NT5C2: variants seen among roughly 807,000 people sequenced by gnomAD.
The protein encoded by NT5C2 is cytosolic purine 5'-nucleotidase.
Under a neutral mutation model 76.1 loss-of-function variants are expected in NT5C2, and 58 were observed. The ratio of observed to expected loss-of-function variants is 0.76; its 90% CI spans 0.62 to 0.95. The LOEUF is 0.95. Ranked by LOEUF, NT5C2 falls within the 40% of genes least tolerant of loss-of-function variation. The pLI is 0.00. For missense variants in NT5C2, 478 were observed against 690.3 expected, an observed-to-expected ratio of 0.69 and a Z score of 3.45; for synonymous variants, 229 against 237.4, an observed-to-expected ratio of 0.96 and a Z score of 0.32.
intron 3 of NT5C2, among the ~76,000 whole-genome samples, chr10:103,148,587 G>C (rs182512562): frequency 0.014 from 2,108 of 146,312 alleles, 33 homozygotes; most frequent in Middle Eastern, 0.025. Context: ...CTGGGCAACA[G>C]AGTGAGACTC....
intron 18 of NT5C2, 36 bp from the exon 19 acceptor site, chr10:103,089,944 C>A: frequency 1.3e-6 from 2 of 1,541,552 alleles, no homozygotes; most frequent in Non-Finnish European, 1.8e-6. Context: ...AGAAAGCAGG[C>A]AGAGCAAAGT....
Position 103,089,583 on chromosome 10 carries a change from C to G in NT5C2, c.*89G>C. 1.4e-6 allele frequency: 2 copies of G among 1,439,832 alleles called. No individual in the cohort carries two copies. Among genetic ancestry groups the G allele is most frequent in the Non-Finnish European group, 1.8e-6 (2 of 1,094,798 alleles). 89.2% of individuals were successfully genotyped at this position (1,439,832 alleles called of 1,614,324 possible). A position where few individuals can be genotyped will look rare whatever the true frequency, so the allele number is the denominator to read the frequency against. Reference sequence around the variant, plus strand: ...CCTTTCATGGAGCCCCCTCCCTCCCCCGAGTAGAACCCTAACAGGGACCTC... The same window carrying G: ...CCTTTCATGGAGCCCCCTCCCTCCCGCGAGTAGAACCCTAACAGGGACCTC... On this transcript the variant is annotated 3_prime_UTR_variant, in exon 19 of 19. Transcript: ENST00000404739.
At chr10:103,120,963 A>G (rs1403618133) in intron 4 of NT5C2, among the ~76,000 whole-genome samples, 3 of 152,250 alleles carry the variant, frequency 2.0e-5, no homozygotes, top group Non-Finnish European at 4.4e-5. Flanking sequence ...ATTCAGTCTC[A>G]AAAAGTAATA....
At chr10:103,172,069 G>A (rs1170930754) in intron 3 of NT5C2, among the ~76,000 whole-genome samples, 1 of 151,814 alleles carries the variant, frequency 6.6e-6, no homozygotes, top group African/African-American at 2.4e-5. Context: ...AATTAGCCAG[G>A]TGTGGTGGTG....
chr10:103,154,940 T>G (rs1030725967), intron 3 of NT5C2, among the ~76,000 whole-genome samples: 1 of 152,196 alleles, frequency 6.6e-6, no homozygotes, highest in Non-Finnish European at 1.5e-5. Flanking sequence ...TGGAAATAAA[T>G]GTAATTACTA....
chr10:103,182,634 C>CA (rs563349681), intron 1 of NT5C2, among the ~76,000 whole-genome samples: 2,957 of 137,378 alleles, frequency 0.022, 55 homozygotes, highest in African/African-American at 0.051. Context: ...GACTCCATCT[C>CA]AAAAAAAAAA....
At chr10:103,180,365 T>C (rs997881864) in intron 2 of NT5C2, among the ~76,000 whole-genome samples, 5 of 152,148 alleles carry the variant, frequency 3.3e-5, no homozygotes, top group African/African-American at 1.2e-4. Context: ...TAAACATATA[T>C]CTATCATATG....
rs1196966320 is a variant in NT5C2, at chr10:103,089,702, A to G, written c.1656T>C (p.Asp552=). ...CTTCCTCCTCCTCCTCCTCTTCATCATCATCTTCGTCATGGCAGTGTGTAA... is the reference window on the plus strand; with the variant it reads ...CTTCCTCCTCCTCCTCCTCTTCATCGTCATCTTCGTCATGGCAGTGTGTAA... The part of the protein sequence containing the change: ...QEITHCHDED[D]DEEEEEEEE Residue 552 remains aspartate (D), a synonymous_variant, in exon 19 of 19, where the codon GAT becomes GAC. Coordinates refer to ENST00000404739, the MANE Select transcript of NT5C2 (RefSeq NM_001351169.2). 8.7e-6 allele frequency: 14 copies of G among 1,610,582 alleles called. No individual in the cohort carries two copies. The highest frequency in any genetic ancestry group is 8.0e-5 in the African/African-American group (6 of 74,638).
chr10:103,172,100 C>CCCG (rs2088226571), intron 3 of NT5C2, among the ~76,000 whole-genome samples: 3 of 151,902 alleles, frequency 2.0e-5, no homozygotes, highest in African/African-American at 7.2e-5. Flanking sequence ...ATCCCAGCTA[C>CCCG]TCGGGACGGT....
chr10:103,183,279 A>ATATATATTT (rs1554841737), intron 1 of NT5C2, among the ~76,000 whole-genome samples: 2 of 133,588 alleles, frequency 1.5e-5, no homozygotes, highest in African/African-American at 2.9e-5. Flanking sequence ...ATATATATAT[A>ATATATATTT]TATATATATA....
chr10:103,105,289 A>G, intron 6 of NT5C2: 1 of 328,164 alleles, frequency 3.0e-6, no homozygotes, highest in East Asian at 1.3e-4. Flanking sequence ...CGTATTGGCT[A>G]TTAAAAATCT....
chr10:103,158,843 A>G (rs2084065448), intron 3 of NT5C2, among the ~76,000 whole-genome samples: 1 of 151,860 alleles, frequency 6.6e-6, no homozygotes, highest in African/African-American at 2.4e-5. Flanking sequence ...AGAAGAATAA[A>G]AGCAGAGACA....
chr10:103,103,060 A>G (rs1429590316), intron 6 of NT5C2, among the ~76,000 whole-genome samples: 1 of 152,224 alleles, frequency 6.6e-6, no homozygotes, highest in Non-Finnish European at 1.5e-5. Context: ...TCTAGAAGAA[A>G]ACATTTCAGA....
chr10:103,122,153 G>C (rs1259560513), intron 4 of NT5C2, among the ~76,000 whole-genome samples: 1 of 152,222 alleles, frequency 6.6e-6, no homozygotes, highest in African/African-American at 2.4e-5. Context: ...CCACCTAGGT[G>C]ACAGGGCAAG....
At chr10:103,159,532 C>G (rs1235385086) in intron 3 of NT5C2, among the ~76,000 whole-genome samples, 1 of 151,696 alleles carries the variant, frequency 6.6e-6, no homozygotes. Flanking sequence ...ATCTATAGTC[C>G]TAGCTACTTG....
intron 3 of NT5C2, among the ~76,000 whole-genome samples, chr10:103,162,825 GTTTA>G (rs1320772225): frequency 6.6e-6 from 1 of 151,956 alleles, no homozygotes; most frequent in African/African-American, 2.4e-5. Flanking sequence ...TACAGTAATA[GTTTA>G]TTTAAAATAC....
rs900200714 is a variant in NT5C2, at chr10:103,088,383, A to G, written c.*1289T>C. Reference sequence around the variant, plus strand: ...AAACAAGAGGTGATTTCGACTTGGGATTGGGATTTTTATTTTTTGAGATGG... The same window carrying G: ...AAACAAGAGGTGATTTCGACTTGGGGTTGGGATTTTTATTTTTTGAGATGG... On this transcript the variant is annotated 3_prime_UTR_variant, in exon 19 of 19. Transcript: ENST00000404739. 1.3e-5 allele frequency: 2 copies of G among 152,074 alleles called. No individual in the cohort carries two copies. Among genetic ancestry groups the G allele is most frequent in the African/African-American group, 2.4e-5 (1 of 41,404 alleles). 9.4% of individuals were successfully genotyped at this position (152,074 alleles called of 1,614,324 possible).
intron 4 of NT5C2, among the ~76,000 whole-genome samples, chr10:103,109,777 T>C (rs1010237931): frequency 6.6e-6 from 1 of 152,170 alleles, no homozygotes; most frequent in Non-Finnish European, 1.5e-5. Context: ...GTAAAACCTA[T>C]GTCTATGAGA....
At chr10:103,129,259 A>G (rs2077424379) in intron 4 of NT5C2, among the ~76,000 whole-genome samples, 1 of 104,692 alleles carries the variant, frequency 9.6e-6, no homozygotes, top group Admixed American at 8.6e-5. Flanking sequence ...TGGGGGGGTC[A>G]GCCCCCCACC....
Sources: gnomAD v4.1 joint callset for allele counts (sites outside exome capture counted in the v4.1 genomes callset) on GRCh38, gnomAD v4.1.1 for gene constraint, MANE v1.5 for transcripts, NCBI Gene and HGNC (gene_info 2026-07-23, HGNC 2026-07-21) for gene names.